The following PCDHGA2 variants were observed in gnomAD, a reference collection of about 807,000 sequenced individuals.
PCDHGA2 encodes protocadherin gamma subfamily A, 2.
PCDHGA2 carries 40 observed loss-of-function variants against 59.2 expected under a neutral mutation model. The observed-to-expected ratio is 0.68, with a 90% CI of 0.52 to 0.88. The LOEUF is 0.88. Ranked by LOEUF, PCDHGA2 falls within the 40% of genes least tolerant of loss-of-function variation. PCDHGA2 has a pLI of 0.00. For missense variants in PCDHGA2, 1,226 were observed against 1,204.0 expected (o/e 1.02, Z -0.27); for synonymous variants, 560 against 526.0 (o/e 1.06, Z -0.89).
intron 1 of PCDHGA2, among the ~76,000 whole-genome samples, chr5:141,457,289 G>A (rs907200077): frequency 2.0e-5 from 3 of 152,146 alleles, no homozygotes; most frequent in Non-Finnish European, 4.4e-5. Context: ...GAAGTTCCTT[G>A]GTTTTATTTT....
intron 1 of PCDHGA2, chr5:141,345,578 C>CGCGCTG: frequency 6.2e-7 from 1 of 1,614,208 alleles, no homozygotes; most frequent in Admixed American, 1.7e-5. Flanking sequence ...GCGTCCTATA[C>CGCGCTG]GCGCTGAGAT....
At chr5:141,372,053 C>G in intron 1 of PCDHGA2, 1 of 1,613,498 alleles carries the variant, frequency 6.2e-7, no homozygotes, top group South Asian at 1.1e-5. Flanking sequence ...TGTTGGTGGA[C>G]GACCGCAACG....
At position 141,491,623 on chromosome 5, in the gene PCDHGA2, G is replaced by A. The variant is rs767724749; in HGVS notation, c.2425-3184G>A. The A allele has an allele frequency of 3.7e-6, 6 of 1,613,812 alleles. No homozygotes were observed. The highest frequency in any genetic ancestry group is 2.7e-5 in the African/African-American group (2 of 74,938). On this transcript the variant is annotated intron_variant, in intron 1 of 3. Transcript: ENST00000394576. This position sits in a 1 kb window ranked among gnomAD's most constrained non-coding sequence, Gnocchi z 6.9. ...CTTCACTTTTCTAAGACCCCTCAGC[G>A]TTCAGCAGCCCACAGCTCTGGCGCT...
At chr5:141,496,268 G>T (rs1237681971) in intron 2 of PCDHGA2, among the ~76,000 whole-genome samples, 1 of 152,208 alleles carries the variant, frequency 6.6e-6, no homozygotes, top group Non-Finnish European at 1.5e-5. Flanking sequence ...TCAGCAGAAA[G>T]ACCTTCAGTT....
At position 141,489,774 on chromosome 5, in the gene PCDHGA2, C is replaced by T; in HGVS notation, c.2425-5033C>T. The T allele has an allele frequency of 1.2e-6, 2 of 1,614,164 alleles. No homozygotes were observed. Among genetic ancestry groups the T allele is most frequent in the Non-Finnish European group, 8.5e-7 (1 of 1,179,998 alleles). On this transcript the variant is annotated intron_variant, in intron 1 of 3. Transcript: ENST00000394576. The surrounding 1 kb of genome is among the most constrained non-coding windows in gnomAD (Gnocchi z 4.5). The stretch of plus-strand genomic sequence containing the variant: ...ACACTCTAAGCCCCAACAGCCACTT[C>T]TCTCTGAATGTGAAGACCCTAAAAG...
Position 141,476,160 on chromosome 5 carries a change from G to A in PCDHGA2, c.2425-18647G>A, listed in dbSNP as rs781765205. 4.3e-6 allele frequency: 7 copies of A among 1,612,858 alleles called. No homozygotes were observed. The highest frequency in any genetic ancestry group is 5.9e-6 in the Non-Finnish European group (7 of 1,179,926). On this transcript the variant is annotated intron_variant, in intron 1 of 3. Coordinates refer to ENST00000394576, the MANE Select transcript of PCDHGA2 (RefSeq NM_018915.4). This position sits in a 1 kb window ranked among gnomAD's most constrained non-coding sequence, Gnocchi z 7.6. ...AGGAGCGGACTGGTAAGCACCGGGA[G>A]GGTAGTGGGAGTTTTGCTTCTGCTT...
chr5:141,439,568 A>G (rs2098121048), intron 1 of PCDHGA2, among the ~76,000 whole-genome samples: 1 of 152,208 alleles, frequency 6.6e-6, no homozygotes, highest in Non-Finnish European at 1.5e-5. Context: ...GTTCTAGAGT[A>G]GGGACTCAGA....
intron 2 of PCDHGA2, among the ~76,000 whole-genome samples, chr5:141,499,326 C>G (rs1465474737): frequency 6.6e-6 from 1 of 152,156 alleles, no homozygotes; most frequent in Non-Finnish European, 1.5e-5. Flanking sequence ...TATCCCTGCT[C>G]TCTCTCAGTT....
At chr5:141,376,078 C>T (rs752847017) in intron 1 of PCDHGA2, 7 of 1,613,392 alleles carry the variant, frequency 4.3e-6, no homozygotes, top group South Asian at 3.3e-5. Flanking sequence ...TGGCCGTGGC[C>T]GACAGGATCC....
At chr5:141,427,984 C>A (rs754620535) in intron 1 of PCDHGA2, 6 of 1,597,376 alleles carry the variant, frequency 3.8e-6, no homozygotes, top group Non-Finnish European at 4.3e-6. Flanking sequence ...GCGCTGGGGC[C>A]CGATGGCTCC....
chr5:141,410,822 A>T (rs2095425246), intron 1 of PCDHGA2: 1 of 461,414 alleles, frequency 2.2e-6, no homozygotes, highest in Non-Finnish European at 3.6e-6. Flanking sequence ...AAATAATGTC[A>T]CCAGACTGAA....
At chr5:141,508,859 G>C (rs1268915304) in intron 3 of PCDHGA2, among the ~76,000 whole-genome samples, 1 of 152,086 alleles carries the variant, frequency 6.6e-6, no homozygotes, top group Non-Finnish European at 1.5e-5. Flanking sequence ...CCCAGGCTGG[G>C]AAAGGCTGAA....
intron 1 of PCDHGA2, chr5:141,399,984 A>C (rs1310810422): frequency 1.2e-6 from 2 of 1,612,296 alleles, no homozygotes; most frequent in Non-Finnish European, 8.5e-7. Context: ...GGCTGCGCAC[A>C]GGAGAGGTGC....
chr5:141,447,428 G>C (rs542079336), intron 1 of PCDHGA2, among the ~76,000 whole-genome samples: 1 of 152,184 alleles, frequency 6.6e-6, no homozygotes, highest in African/African-American at 2.4e-5. Flanking sequence ...GTGAGCCACC[G>C]CACCCGGAGG....
chr5:141,489,211 A>G lies in PCDHGA2; in HGVS notation c.2425-5596A>G, dbSNP rs1206929838. On this transcript the variant is annotated intron_variant, in intron 1 of 3. Coordinates refer to ENST00000394576, the MANE Select transcript of PCDHGA2 (RefSeq NM_018915.4). This position sits in a 1 kb window ranked among gnomAD's most constrained non-coding sequence, Gnocchi z 4.5. The stretch of plus-strand genomic sequence containing the variant: ...CTACCTTGGAGACAGGACAGCACAG[A>G]CTTACTCTCCACAAAGGGACTTCTG... 2 of 1,462,498 alleles carry G rather than the reference A, an allele frequency of 1.4e-6. No individual in the cohort carries two copies. Among genetic ancestry groups the G allele is most frequent in the Non-Finnish European group, 1.8e-6 (2 of 1,081,560 alleles). The allele number at this position is 1,462,498 out of a possible 1,614,324, so 90.6% of individuals were successfully genotyped here. A position where few individuals can be genotyped will look rare whatever the true frequency, so the allele number is the denominator to read the frequency against.
At chr5:141,345,225 A>T in intron 1 of PCDHGA2, 1 of 1,613,856 alleles carries the variant, frequency 6.2e-7, no homozygotes, top group East Asian at 2.2e-5. Context: ...AGAAAAATCA[A>T]TAGATCAATA....
At chr5:141,343,364 A>G in intron 1 of PCDHGA2, 33 of 982,188 alleles carry the variant, frequency 3.4e-5, no homozygotes, top group Non-Finnish European at 3.7e-5. Flanking sequence ...AGTTAAGAGT[A>G]TAGAGAGGGA....
rs578188210 is a variant in PCDHGA2 at position 141,360,311 on chromosome 5, G to A, written c.2424+18916G>A. 3.1e-6 allele frequency: 5 copies of A among 1,613,936 alleles called. No homozygotes were observed. The East Asian group carries it at 1.1e-4, about 36-fold the overall frequency. ...GCCAAGGATCTGGGGCTCAGCGTCC[G>A]GGACTTGCCAGCCCGGAAGCTGCGG... is the stretch of plus-strand genomic sequence containing the variant. On this transcript the variant is annotated intron_variant, in intron 1 of 3. Transcript: ENST00000394576.
rs1403096618 is a variant in PCDHGA2 at position 141,345,836 on chromosome 5, C to A, written c.2424+4441C>A. ...CGGTGGACAGAGACTCGGGCCAGAA[C>A]GCCTGGCTGTCCTACCGCCTGCTCA... On this transcript the variant is annotated intron_variant, in intron 1 of 3. Coordinates refer to ENST00000394576, the MANE Select transcript of PCDHGA2 (RefSeq NM_018915.4). 5 of 1,613,426 alleles carry A rather than the reference C, an allele frequency of 3.1e-6. No homozygotes were observed. The highest frequency in any genetic ancestry group is 4.2e-6 in the Non-Finnish European group (5 of 1,179,998).
Sources: gnomAD v4.1 joint callset for allele counts (sites outside exome capture counted in the v4.1 genomes callset) on GRCh38, gnomAD v4.1.1 for gene constraint, Gnocchi (gnomAD v3.1) non-coding constraint, MANE v1.5 for transcripts, NCBI Gene and HGNC (gene_info 2026-07-23, HGNC 2026-07-21) for gene names.